Variants in RBFOX1 observed in about 807,000 individuals in gnomAD.
The protein encoded by RBFOX1 is RNA binding protein fox-1 homolog 1.
A neutral mutation model predicts 57.7 loss-of-function variants in RBFOX1; 8 were observed. The ratio of observed to expected loss-of-function variants is 0.14; its 90% CI spans 0.08 to 0.25. RBFOX1 has a LOEUF of 0.25. RBFOX1 is among the 10% of genes least tolerant of loss of function. The pLI is 1.00. For missense variants in RBFOX1, 611 were observed against 548.5 expected, an observed-to-expected ratio of 1.11 and a Z score of -1.14; for synonymous variants, 326 against 222.4, an observed-to-expected ratio of 1.47 and a Z score of -4.15.
intron 4 of RBFOX1, among the ~76,000 whole-genome samples, chr16:7,303,712 ACCTCTCTT>A (rs1308719548): frequency 1.3e-5 from 2 of 148,996 alleles, no homozygotes; most frequent in Non-Finnish European, 3.0e-5. Flanking sequence ...GTGAGTCAAA[ACCTCTCTT>A]CCTCTCTTTC....
chr16:5,536,062 G>T (rs1773825778), intron 2 of RBFOX1, among the ~76,000 whole-genome samples: 1 of 151,140 alleles, frequency 6.6e-6, no homozygotes, highest in Admixed American at 6.6e-5. Flanking sequence ...TCTTTTGCCT[G>T]CCAGGTAGGC....
At chr16:7,196,063 AATT>A in intron 4 of RBFOX1, among the ~76,000 whole-genome samples, 1 of 151,684 alleles carries the variant, frequency 6.6e-6, no homozygotes, top group South Asian at 2.1e-4. Flanking sequence ...AGGGAGTTTT[AATT>A]ATTATTATTA....
chr16:6,021,164 C>T (rs573794300), intron 1 of RBFOX1, among the ~76,000 whole-genome samples: 1 of 152,164 alleles, frequency 6.6e-6, no homozygotes, highest in African/African-American at 2.4e-5. Flanking sequence ...GTTGAAACAT[C>T]ATGTCTCCTA....
At chr16:7,509,236 G>A (rs990487223) in intron 4 of RBFOX1, among the ~76,000 whole-genome samples, 9 of 152,216 alleles carry the variant, frequency 5.9e-5, no homozygotes, top group Admixed American at 3.9e-4. Flanking sequence ...GGAATATTGC[G>A]GTCATCTTAG....
intron 2 of RBFOX1, among the ~76,000 whole-genome samples, chr16:6,489,107 C>G (rs2095570920): frequency 6.6e-6 from 1 of 152,220 alleles, no homozygotes; most frequent in African/African-American, 2.4e-5. Flanking sequence ...TTAAAGTGCC[C>G]TATTTTTTTC....
chr16:7,212,397 G>A (rs1018213219), intron 4 of RBFOX1, among the ~76,000 whole-genome samples: 1 of 152,096 alleles, frequency 6.6e-6, no homozygotes, highest in African/African-American at 2.4e-5. Context: ...GAACACTTGT[G>A]TTATTAGCAA....
At chr16:5,247,400 G>A (rs1166846720) in intron 1 of RBFOX1, among the ~76,000 whole-genome samples, 2 of 152,210 alleles carry the variant, frequency 1.3e-5, no homozygotes, top group Admixed American at 6.5e-5. Flanking sequence ...CGCATGAGAT[G>A]GCAAAGGATG....
chr16:6,274,779 G>A (rs1253422121), intron 1 of RBFOX1, among the ~76,000 whole-genome samples: 1 of 152,096 alleles, frequency 6.6e-6, no homozygotes, highest in African/African-American at 2.4e-5. Flanking sequence ...AATTTAAAAG[G>A]GACATTTATG....
chr16:7,173,243 A>T (rs2081047899), intron 4 of RBFOX1, among the ~76,000 whole-genome samples: 1 of 152,192 alleles, frequency 6.6e-6, no homozygotes, highest in African/African-American at 2.4e-5. Context: ...TTTTATTTCA[A>T]ATTACGCCAC....
intron 4 of RBFOX1, among the ~76,000 whole-genome samples, chr16:7,482,711 A>G (rs770440451): frequency 2.6e-5 from 4 of 151,828 alleles, no homozygotes; most frequent in Admixed American, 6.6e-5. Flanking sequence ...CGAATCCACA[A>G]TGATGAAGGA....
At chr16:6,843,024 G>T (rs980428747) in intron 3 of RBFOX1, among the ~76,000 whole-genome samples, 4 of 152,146 alleles carry the variant, frequency 2.6e-5, no homozygotes, top group African/African-American at 9.7e-5. Flanking sequence ...TGGCTGCCTA[G>T]TATTCCATGG....
At chr16:6,093,688 T>G (rs2096207767) in intron 1 of RBFOX1, among the ~76,000 whole-genome samples, 1 of 152,072 alleles carries the variant, frequency 6.6e-6, no homozygotes, top group African/African-American at 2.4e-5. Context: ...GTGGCTCAAG[T>G]GTAGCTCCCT....
intron 3 of RBFOX1, among the ~76,000 whole-genome samples, chr16:6,675,278 G>A (rs1238442605): frequency 6.6e-6 from 1 of 152,150 alleles, no homozygotes; most frequent in Admixed American, 6.5e-5. Flanking sequence ...ATATTTCCAT[G>A]TCTGAAAATC....
intron 2 of RBFOX1, among the ~76,000 whole-genome samples, chr16:6,504,020 T>C (rs536777377): frequency 2.5e-4 from 38 of 152,350 alleles, no homozygotes; most frequent in African/African-American, 8.7e-4. Flanking sequence ...TGCTTATACG[T>C]ATGCATCTTT....
chr16:6,011,250 CT>C (rs1228825199), intron 4 of RBFOX1, among the ~76,000 whole-genome samples: 1 of 152,176 alleles, frequency 6.6e-6, no homozygotes, highest in Non-Finnish European at 1.5e-5. Flanking sequence ...TGACTCGCAA[CT>C]TTTTTTGCCT....
Position 5,761,786 on chromosome 16 carries a change from G to A in RBFOX1, c.319-105517G>A, listed in dbSNP as rs1483756970. ...TGGCTAAATGGGTAAAGAATAAGCT[G>A]AGATGGCACATTCTCTGGGAAGACA... is the stretch of plus-strand genomic sequence containing the variant. On this transcript the variant is annotated intron_variant, in intron 3 of 19. Transcript: ENST00000641259. 3.9e-5 allele frequency among the ~76,000 whole-genome samples: 6 copies of A among 152,182 alleles called. No homozygotes were observed. The East Asian group carries it at 1.2e-3, about 29-fold the overall frequency.
chr16:5,854,019 C>T (rs188834956), intron 3 of RBFOX1, among the ~76,000 whole-genome samples: 39 of 152,284 alleles, frequency 2.6e-4, no homozygotes, highest in African/African-American at 8.7e-4. Flanking sequence ...AGCTAAGTTT[C>T]TATTTTTAAT....
chr16:7,363,304 C>G (rs373391563), intron 4 of RBFOX1, among the ~76,000 whole-genome samples: 42 of 152,118 alleles, frequency 2.8e-4, no homozygotes, highest in East Asian at 2.3e-3. Flanking sequence ...AATCCTGTCT[C>G]CCATCTAACT....
chr16:7,058,709 T>A (rs776559076), intron 4 of RBFOX1, among the ~76,000 whole-genome samples: 1 of 152,240 alleles, frequency 6.6e-6, no homozygotes, highest in Non-Finnish European at 1.5e-5. Flanking sequence ...TATTGTTGGA[T>A]ATTAATGGAT....
Sources: gnomAD v4.1 joint callset for allele counts (sites outside exome capture counted in the v4.1 genomes callset) on GRCh38, gnomAD v4.1.1 for gene constraint, MANE v1.5 for transcripts, NCBI Gene and HGNC (gene_info 2026-07-23, HGNC 2026-07-21) for gene names.